The following TTLL5 variants were observed in gnomAD, a reference collection of about 807,000 sequenced individuals.
TTLL5 encodes tubulin tyrosine ligase like 5, also known as tubulin polyglutamylase TTLL5.
In TTLL5, 132 loss-of-function variants were observed where a neutral mutation model predicts 168.4. The ratio of observed to expected loss-of-function variants is 0.78; its 90% CI spans 0.68 to 0.91. The LOEUF is 0.91. TTLL5 is among the 40% of genes least tolerant of loss of function. The pLI, the probability that TTLL5 is intolerant of heterozygous loss-of-function variation, is 0.00. For synonymous variants in TTLL5, 546 were observed against 558.6 expected (o/e 0.98, Z 0.32); for missense variants, 1,545 against 1,581.5 (o/e 0.98, Z 0.39).
At chr14:75,819,301 T>C (rs1894695606) in intron 27 of TTLL5, among the ~76,000 whole-genome samples, 1 of 152,258 alleles carries the variant, frequency 6.6e-6, no homozygotes, top group African/African-American at 2.4e-5. Context: ...AGGAAGATTC[T>C]ACCAATTTAT....
At chr14:75,902,496 C>T in intron 31 of TTLL5, 1 of 618,294 alleles carries the variant, frequency 1.6e-6, no homozygotes, top group Non-Finnish European at 3.0e-6. Context: ...ATACAGATGT[C>T]CCATATTGAC....
At chr14:75,764,853 C>G in intron 19 of TTLL5, 81 bp downstream of exon 19, 2 of 1,515,092 alleles carry the variant, frequency 1.3e-6, no homozygotes, top group South Asian at 1.2e-5. Context: ...CTCAGTATTT[C>G]ATGAGTCAGA....
intron 27 of TTLL5, among the ~76,000 whole-genome samples, chr14:75,798,240 C>T (rs754655258): frequency 2.0e-5 from 3 of 152,012 alleles, no homozygotes; most frequent in Non-Finnish European, 2.9e-5. Flanking sequence ...TAAAGGTGTT[C>T]ATAGTAGCCT....
At chr14:75,828,089 G>A (rs538465369) in intron 28 of TTLL5, among the ~76,000 whole-genome samples, 1 of 152,234 alleles carries the variant, frequency 6.6e-6, no homozygotes, top group South Asian at 2.1e-4. Flanking sequence ...GCATCTCAAT[G>A]ATGTGACTAT....
chr14:75,688,091 T>A (rs370187380), intron 5 of TTLL5, among the ~76,000 whole-genome samples: 8 of 152,106 alleles, frequency 5.3e-5, no homozygotes, highest in African/African-American at 1.7e-4. Context: ...ATCTCCAGAG[T>A]GAGAAGTGTC....
intron 18 of TTLL5, among the ~76,000 whole-genome samples, chr14:75,753,630 C>T (rs1011814492): frequency 5.3e-5 from 8 of 152,124 alleles, no homozygotes; most frequent in African/African-American, 1.2e-4. Flanking sequence ...ATGTTTTAAC[C>T]ATCTGCAATT....
chr14:75,777,291 T>A (rs1262166905), intron 23 of TTLL5, among the ~76,000 whole-genome samples: 4 of 152,198 alleles, frequency 2.6e-5, no homozygotes, highest in African/African-American at 7.2e-5. Context: ...ATTAGAGGCA[T>A]CTCATATTTA....
chr14:75,749,026 C>A (rs562779659), intron 17 of TTLL5, among the ~76,000 whole-genome samples: 41 of 152,256 alleles, frequency 2.7e-4, no homozygotes, highest in Admixed American at 1.4e-3. Flanking sequence ...CCTAGCTGTT[C>A]ATAGAGAAAT....
chr14:75,704,940 A>C (rs1458104911), intron 7 of TTLL5, among the ~76,000 whole-genome samples: 2 of 152,210 alleles, frequency 1.3e-5, no homozygotes, highest in Non-Finnish European at 2.9e-5. Context: ...TGGAATGATG[A>C]CCACTATCAG....
At chr14:75,903,226 A>G (rs2033001030) in intron 31 of TTLL5, among the ~76,000 whole-genome samples, 1 of 152,170 alleles carries the variant, frequency 6.6e-6, no homozygotes, top group African/African-American at 2.4e-5. Flanking sequence ...AGTCGAGCCC[A>G]GATCTCTAGG....
intron 27 of TTLL5, among the ~76,000 whole-genome samples, chr14:75,817,838 T>TTTC (rs1894543155): frequency 7.5e-6 from 1 of 133,726 alleles, no homozygotes; most frequent in Non-Finnish European, 1.6e-5. Context: ...TTCTTTTTTT[T>TTTC]TTTTTTTTTT....
At chr14:75,935,538 T>G (rs1202554625) in intron 31 of TTLL5, among the ~76,000 whole-genome samples, 2 of 152,180 alleles carry the variant, frequency 1.3e-5, no homozygotes, top group African/African-American at 4.8e-5. Context: ...GAGAGTGAGA[T>G]GGATGGTGGG....
At chr14:75,803,349 G>A (rs1459569434) in intron 27 of TTLL5, 1 of 152,224 alleles carries the variant, frequency 6.6e-6, no homozygotes, top group Non-Finnish European at 1.5e-5. Context: ...TAAGAAATCT[G>A]TGTGGCAAAA....
intron 27 of TTLL5, among the ~76,000 whole-genome samples, chr14:75,795,692 T>C: frequency 6.6e-6 from 1 of 152,230 alleles, no homozygotes. Flanking sequence ...TTTCCATTCC[T>C]GAGTTACTTC....
In TTLL5 at chr14:75,776,789, G is replaced by A. The variant is rs1175933669; in HGVS notation, c.2326G>A (p.Glu776Lys). The change falls in exon 23 of 32, where the codon GAG (glutamate) becomes AAG (lysine). Residue 776 changes from glutamate to lysine, a missense_variant. Coordinates refer to ENST00000298832, the MANE Select transcript of TTLL5 (RefSeq NM_015072.5). ...MAEKKSKKKV[E>K]EEEEDGVNME... ...TGAAAAGAAATCAAAGAAGAAAGTT[G>A]AGGAAGAAGAGGAAGATGGGGTGAA... 6.2e-7 allele frequency: 1 copy of A among 1,613,942 alleles called. No homozygotes were observed. The highest frequency in any genetic ancestry group is 1.3e-5 in the African/African-American group (1 of 75,032).
intron 3 of TTLL5, among the ~76,000 whole-genome samples, chr14:75,681,054 A>G (rs1266884462): frequency 1.3e-5 from 2 of 152,336 alleles, no homozygotes; most frequent in East Asian, 1.9e-4. Context: ...CAAAGGAAAT[A>G]CATTGTATTG....
At chr14:75,858,883 A>G (rs1299523945) in intron 28 of TTLL5, among the ~76,000 whole-genome samples, 3 of 152,214 alleles carry the variant, frequency 2.0e-5, no homozygotes, top group Admixed American at 1.3e-4. Flanking sequence ...TAAGCAGCAC[A>G]CATTTTCTTA....
At chr14:75,914,743 C>A (rs1264226610) in intron 31 of TTLL5, among the ~76,000 whole-genome samples, 2 of 151,928 alleles carry the variant, frequency 1.3e-5, no homozygotes, top group Admixed American at 6.6e-5. Context: ...CCTGCCTCAG[C>A]CTCCTGAGTA....
At chr14:75,903,145 G>A (rs188671690) in intron 31 of TTLL5, among the ~76,000 whole-genome samples, 12 of 152,246 alleles carry the variant, frequency 7.9e-5, no homozygotes, top group African/African-American at 2.9e-4. Context: ...AGAAATAAAG[G>A]CACAGGCAGA....
Sources: gnomAD v4.1 joint callset for allele counts (sites outside exome capture counted in the v4.1 genomes callset) on GRCh38, gnomAD v4.1.1 for gene constraint, MANE v1.5 for transcripts, NCBI Gene and HGNC (gene_info 2026-07-23, HGNC 2026-07-21) for gene names.